The following PACRG variants were observed in gnomAD, a reference collection of about 807,000 sequenced individuals.
PACRG encodes the protein parkin coregulated gene protein.
Under a neutral mutation model 29.7 loss-of-function variants are expected in PACRG, and 29 were observed. The ratio of observed to expected loss-of-function variants is 0.98; its 90% CI spans 0.73 to 1.33. The LOEUF is 1.33. PACRG is among the 40% of genes most tolerant of loss of function. PACRG has a pLI of 0.00. For synonymous variants in PACRG, 116 were observed against 118.7 expected, an observed-to-expected ratio of 0.98 and a Z score of 0.15; for missense variants, 279 against 316.2, an observed-to-expected ratio of 0.88 and a Z score of 0.89.
At chr6:163,239,802 ACACTCC>A (rs907908284) in intron 4 of PACRG, among the ~76,000 whole-genome samples, 7 of 134,114 alleles carry the variant, frequency 5.2e-5, no homozygotes, top group African/African-American at 8.4e-5. Context: ...TCACACATTC[ACACTCC>A]CACTCCCACC....
chr6:162,947,583 C>CTCAT (rs1799242360), intron 2 of PACRG, among the ~76,000 whole-genome samples: 1 of 42,052 alleles, frequency 2.4e-5, no homozygotes, highest in South Asian at 1.0e-3. Flanking sequence ...CATATATAAT[C>CTCAT]ATATATATAA....
chr6:163,049,709 A>T (rs1313183882), intron 2 of PACRG, among the ~76,000 whole-genome samples: 3 of 152,098 alleles, frequency 2.0e-5, no homozygotes, highest in Admixed American at 2.0e-4. Context: ...AATTATTCTC[A>T]TAGTAAGAGA....
At chr6:162,917,683 T>G (rs932117217) in intron 2 of PACRG, among the ~76,000 whole-genome samples, 8 of 152,180 alleles carry the variant, frequency 5.3e-5, no homozygotes, top group African/African-American at 1.9e-4. Flanking sequence ...AAAATCCAGG[T>G]TGACATCTGG....
Position 163,204,545 on chromosome 6 carries a change from G to A in PACRG, c.614-110282G>A, listed in dbSNP as rs998987501. Among the ~76,000 whole-genome samples the A allele has an allele frequency of 1.2e-4, 19 of 152,170 alleles. No individual in the cohort carries two copies. The South Asian group carries it at 1.9e-3, about 15-fold the overall frequency. On this transcript the variant is annotated intron_variant, in intron 4 of 4. Transcript: ENST00000366888. The stretch of plus-strand genomic sequence containing the variant: ...ATCACAAGTGGGACCCTGGAAACCC[G>A]GGGCTGTAATGCATGAAAGATCTAG...
intron 2 of PACRG, among the ~76,000 whole-genome samples, chr6:162,953,635 G>T (rs1799814369): frequency 6.6e-6 from 1 of 151,990 alleles, no homozygotes; most frequent in Non-Finnish European, 1.5e-5. Flanking sequence ...GAACTGTCTA[G>T]AACTGCCATA....
At chr6:163,213,413 A>T (rs1044291751) in intron 4 of PACRG, among the ~76,000 whole-genome samples, 38 of 152,318 alleles carry the variant, frequency 2.5e-4, no homozygotes, top group African/African-American at 8.4e-4. Context: ...GCTATTAAGG[A>T]TGTTATTGGG....
At chr6:163,280,899 A>G (rs116344471) in intron 4 of PACRG, among the ~76,000 whole-genome samples, 1,700 of 152,316 alleles carry the variant, frequency 0.011, 34 homozygotes, top group African/African-American at 0.039. Context: ...GGGAACACAA[A>G]CATTGGTTTA....
chr6:163,028,161 C>CT (rs1327914434), intron 2 of PACRG, among the ~76,000 whole-genome samples: 1 of 152,214 alleles, frequency 6.6e-6, no homozygotes, highest in East Asian at 1.9e-4. Flanking sequence ...AAACAGCTAT[C>CT]TAGTCTCTAA....
chr6:162,844,648 A>G (rs917599252), intron 2 of PACRG, among the ~76,000 whole-genome samples: 7 of 152,190 alleles, frequency 4.6e-5, no homozygotes, highest in Admixed American at 1.3e-4. Flanking sequence ...GCTACATAAC[A>G]TTCAGTGACC....
chr6:162,939,014 C>T (rs1681320641), intron 2 of PACRG, among the ~76,000 whole-genome samples: 1 of 151,988 alleles, frequency 6.6e-6, no homozygotes, highest in African/African-American at 2.4e-5. Context: ...TAATTAAGTA[C>T]CAGTTAGGCA....
At position 162,790,669 on chromosome 6, in the gene PACRG, T is replaced by C. The variant is rs549733626; in HGVS notation, c.157-23478T>C. Among the ~76,000 whole-genome samples the C allele has an allele frequency of 2.6e-5, 4 of 152,302 alleles. No individual in the cohort carries two copies. In the South Asian group the frequency reaches 8.3e-4, roughly 32 times the overall value. On this transcript the variant is annotated intron_variant, in intron 1 of 4. Transcript: ENST00000366888. ...TTTCCCAATCCCTTGTAAACCTGAT[T>C]TTCCCTCTGCACAAAATTTATTATA...
chr6:163,245,251 C>G, intron 4 of PACRG: 1 of 229,738 alleles, frequency 4.4e-6, no homozygotes, highest in Non-Finnish European at 8.9e-6. Context: ...TTTCGCGGCA[C>G]TTTTTAACTT....
At chr6:163,275,250 C>A (rs1009575540) in intron 4 of PACRG, among the ~76,000 whole-genome samples, 1 of 152,154 alleles carries the variant, frequency 6.6e-6, no homozygotes, top group Non-Finnish European at 1.5e-5. Flanking sequence ...GAGACAGCAG[C>A]AAATGAACTC....
At chr6:162,851,896 G>C (rs1028444227) in intron 2 of PACRG, among the ~76,000 whole-genome samples, 9 of 147,978 alleles carry the variant, frequency 6.1e-5, no homozygotes, top group African/African-American at 1.0e-4. Context: ...AGAGTGAAAA[G>C]TATAGAAGGA....
At chr6:163,209,082 C>T (rs910971985) in intron 4 of PACRG, among the ~76,000 whole-genome samples, 5 of 152,112 alleles carry the variant, frequency 3.3e-5, no homozygotes, top group East Asian at 1.9e-4. Flanking sequence ...TAAATAAGGT[C>T]GTGAGCAATA....
chr6:163,059,037 C>A (rs976658906), intron 2 of PACRG, among the ~76,000 whole-genome samples: 10 of 151,642 alleles, frequency 6.6e-5, no homozygotes, highest in African/African-American at 2.2e-4. Context: ...CGAGATCGCA[C>A]CACTGCCCTC....
chr6:162,887,311 A>G (rs545763075), intron 2 of PACRG, among the ~76,000 whole-genome samples: 13 of 152,336 alleles, frequency 8.5e-5, no homozygotes, highest in Non-Finnish European at 8.8e-5. Context: ...AGCAATGACC[A>G]GGCTGAAGCA....
chr6:163,074,103 A>G (rs1812321869), intron 3 of PACRG, among the ~76,000 whole-genome samples: 1 of 152,238 alleles, frequency 6.6e-6, no homozygotes, highest in African/African-American at 2.4e-5. Flanking sequence ...TCAGTATATC[A>G]AAGAAATATC....
chr6:163,294,064 T>C (rs1284344647), intron 4 of PACRG, among the ~76,000 whole-genome samples: 5 of 152,048 alleles, frequency 3.3e-5, no homozygotes, highest in South Asian at 2.1e-4. Flanking sequence ...AAAATTAACA[T>C]TTTTTTGGTT....
Sources: allele counts gnomAD v4.1 joint callset (sites outside exome capture counted in the v4.1 genomes callset), GRCh38; gene constraint gnomAD v4.1.1; transcripts MANE v1.5; gene names NCBI Gene and HGNC (gene_info 2026-07-23, HGNC 2026-07-21).